Variants in LRRC2 observed in about 807,000 individuals in gnomAD.
LRRC2 encodes the protein leucine rich repeat containing 2.
Under a neutral mutation model 40.2 loss-of-function variants are expected in LRRC2, and 27 were observed. The ratio of observed to expected loss-of-function variants is 0.67; its 90% CI spans 0.49 to 0.93. The LOEUF (loss-of-function observed/expected upper bound fraction) is 0.93. LRRC2 is among the 40% of genes least tolerant of loss of function. The probability of loss-of-function intolerance (pLI) is 0.00; values close to 1 mark genes in which losing one functional copy is unlikely to be tolerated. For missense variants in LRRC2, 402 were observed against 439.6 expected (o/e 0.91, Z 0.76); for synonymous variants, 147 against 158.9 (o/e 0.92, Z 0.56).
chr3:46,561,172 GC>G (rs1283925060), intron 1 of LRRC2, among the ~76,000 whole-genome samples: 2 of 152,004 alleles, frequency 1.3e-5, no homozygotes, highest in African/African-American at 2.4e-5. Context: ...ATGTCCAGCT[GC>G]TGCTTGCCAA....
chr3:46,530,544 C>T (rs112173976), intron 5 of LRRC2, among the ~76,000 whole-genome samples: 7 of 151,896 alleles, frequency 4.6e-5, no homozygotes, highest in East Asian at 3.9e-4. Flanking sequence ...TATGCCACTG[C>T]ACACAAAAAA....
At chr3:46,562,202 T>C (rs1325073266) in intron 1 of LRRC2, among the ~76,000 whole-genome samples, 2 of 152,160 alleles carry the variant, frequency 1.3e-5, no homozygotes. Context: ...TCAGCTGCCA[T>C]GTCATGATGA....
At chr3:46,562,284 G>A (rs917968146) in intron 1 of LRRC2, among the ~76,000 whole-genome samples, 8 of 152,084 alleles carry the variant, frequency 5.3e-5, no homozygotes, top group Non-Finnish European at 1.2e-4. Flanking sequence ...CCATGAGAGG[G>A]GGCTGTCTTA....
intron 7 of LRRC2, among the ~76,000 whole-genome samples, chr3:46,522,760 AACACAC>A (rs71098411): frequency 0.011 from 1,643 of 143,416 alleles, 29 homozygotes; most frequent in African/African-American, 0.035. Context: ...AACTACTGCT[AACACAC>A]ACACACACAC....
intron 1 of LRRC2, among the ~76,000 whole-genome samples, chr3:46,562,092 T>G (rs1704957374): frequency 1.3e-5 from 2 of 152,210 alleles, no homozygotes; most frequent in Admixed American, 6.5e-5. Flanking sequence ...TGGGCTAGAC[T>G]TAGTGACTCA....
In LRRC2 at chr3:46,555,726, A is replaced by G. The variant is rs1247712492; in HGVS notation, c.-19-4116T>C. Among the ~76,000 whole-genome samples, 10 of 152,150 alleles carry G rather than the reference A, an allele frequency of 6.6e-5. No individual in the cohort carries two copies. The East Asian group carries it at 1.9e-3, about 29-fold the overall frequency. On this transcript the variant is annotated intron_variant, in intron 1 of 8. Coordinates refer to ENST00000395905, the MANE Select transcript of LRRC2 (RefSeq NM_024512.5). ...TTATATTTTTGGCTTCCAATCATCA[A>G]ATTTAAAGAACTCCTGAGGAGAAAA...
intron 3 of LRRC2, among the ~76,000 whole-genome samples, chr3:46,544,285 A>G (rs9867359): frequency 0.078 from 11,807 of 152,084 alleles, 508 homozygotes; most frequent in South Asian, 0.17. Flanking sequence ...TTGGGAGGCA[A>G]AGGCGGGCAG....
At chr3:46,560,532 C>G (rs1704911809) in intron 1 of LRRC2, among the ~76,000 whole-genome samples, 1 of 152,182 alleles carries the variant, frequency 6.6e-6, no homozygotes, top group Admixed American at 6.5e-5. Context: ...TCAAGAGACC[C>G]TCAATACAAA....
intron 1 of LRRC2, among the ~76,000 whole-genome samples, chr3:46,556,898 T>C (rs894629016): frequency 6.6e-6 from 1 of 152,184 alleles, no homozygotes; most frequent in Non-Finnish European, 1.5e-5. Context: ...TTCTTGAACA[T>C]TTTTTCTGCA....
intron 3 of LRRC2, 125 bp from the exon 4 acceptor site, chr3:46,539,326 C>T (rs931413791): frequency 1.4e-5 from 12 of 831,680 alleles, no homozygotes; most frequent in African/African-American, 3.5e-5. Context: ...AACTTAACCA[C>T]CAGCACTCCA....
chr3:46,562,449 A>G (rs1704963999), intron 1 of LRRC2, among the ~76,000 whole-genome samples: 1 of 152,232 alleles, frequency 6.6e-6, no homozygotes, highest in Admixed American at 6.5e-5. Flanking sequence ...AATGTGTGTT[A>G]TTCTAAACTA....
chr3:46,537,182 G>A (rs1344276333), intron 4 of LRRC2, among the ~76,000 whole-genome samples: 1 of 152,174 alleles, frequency 6.6e-6, no homozygotes, highest in Non-Finnish European at 1.5e-5. Flanking sequence ...CTGGAGTGAT[G>A]GCTGGTGCCA....
At chr3:46,542,840 C>G (rs1359147193) in intron 3 of LRRC2, among the ~76,000 whole-genome samples, 2 of 152,220 alleles carry the variant, frequency 1.3e-5, no homozygotes, top group Non-Finnish European at 2.9e-5. Flanking sequence ...TCAGCCCAAG[C>G]TGGCCACACA....
intron 1 of LRRC2, among the ~76,000 whole-genome samples, chr3:46,561,634 G>A (rs1704945461): frequency 6.6e-6 from 1 of 152,122 alleles, no homozygotes; most frequent in Admixed American, 6.5e-5. Flanking sequence ...CACCCAGACA[G>A]GTGCCTGTGT....
intron 3 of LRRC2, among the ~76,000 whole-genome samples, chr3:46,544,244 C>A (rs1364267660): frequency 6.6e-6 from 1 of 152,042 alleles, no homozygotes; most frequent in African/African-American, 2.4e-5. Context: ...AAAGCCCGGG[C>A]GTGGTGGCTC....
chr3:46,551,694 G>A, intron 1 of LRRC2, 84 bp from the exon 2 acceptor site: 2 of 904,344 alleles, frequency 2.2e-6, no homozygotes, highest in South Asian at 2.2e-5. Context: ...AAATATGAAT[G>A]AATCACTTGG....
chr3:46,551,748 TTGC>T, intron 1 of LRRC2, 138 bp from the exon 2 acceptor site: 6 of 385,278 alleles, frequency 1.6e-5, no homozygotes, highest in South Asian at 1.0e-4. Flanking sequence ...GGATGACAGT[TTGC>T]TTTTTTTTTT....
intron 4 of LRRC2, among the ~76,000 whole-genome samples, chr3:46,534,692 T>C (rs1444053767): frequency 6.6e-6 from 1 of 152,180 alleles, no homozygotes. Flanking sequence ...CTCATTGTCA[T>C]TCTTAATTCC....
At position 46,521,521 on chromosome 3, in the gene LRRC2, C is replaced by A. The variant is rs757416689; in HGVS notation, c.1066+1G>T. The A allele has an allele frequency of 1.3e-6, 2 of 1,595,108 alleles. No individual in the cohort carries two copies. Among genetic ancestry groups the A allele is most frequent in the Non-Finnish European group, 8.5e-7 (1 of 1,169,710 alleles). ...AATAATTTTAAATATGAGTAACCCACCTCTTTCTTTAAGGTCTTCAATATA... is the reference window on the plus strand; with the variant it reads ...AATAATTTTAAATATGAGTAACCCAACTCTTTCTTTAAGGTCTTCAATATA... On this transcript the variant is annotated splice_donor_variant, in intron 8 of 8. Coordinates refer to ENST00000395905, the MANE Select transcript of LRRC2 (RefSeq NM_024512.5). LOFTEE classifies it high-confidence loss of function.
Sources: allele counts gnomAD v4.1 joint callset (sites outside exome capture counted in the v4.1 genomes callset), GRCh38; gene constraint gnomAD v4.1.1; transcripts MANE v1.5; gene names NCBI Gene and HGNC (gene_info 2026-07-23, HGNC 2026-07-21).